The following SLC25A30 variants were observed in gnomAD, a reference collection of about 807,000 sequenced individuals.
The protein encoded by SLC25A30 is solute carrier family 25 member 30, also known as kidney mitochondrial carrier protein 1.
Under a neutral mutation model 42.7 loss-of-function variants are expected in SLC25A30, and 29 were observed. The ratio of observed to expected loss-of-function variants is 0.68; its 90% CI spans 0.51 to 0.93. The LOEUF (loss-of-function observed/expected upper bound fraction) is 0.93, where lower values mean the gene tolerates loss of function less well. Ranked by LOEUF, SLC25A30 falls within the 40% of genes least tolerant of loss-of-function variation. The pLI is 0.00. For synonymous variants in SLC25A30, 124 were observed against 131.0 expected, an observed-to-expected ratio of 0.95 and a Z score of 0.37; for missense variants, 300 against 359.7, an observed-to-expected ratio of 0.83 and a Z score of 1.34.
chr13:45,431,253 C>G, the SLC25A30 span, among the ~76,000 whole-genome samples: 56,662 of 56,684 alleles, frequency 1, 28,320 homozygotes, highest in Middle Eastern at 1. Context: ...CACCATGTTG[C>G]CTAGGCTGGT....
rs1881092126 is a variant in SLC25A30 at position 45,393,374 on chromosome 13, A to G, written c.*2600T>C. The G allele has an allele frequency of 3.1e-6, 3 of 979,908 alleles. No individual in the cohort carries two copies. The highest frequency in any genetic ancestry group is 3.6e-6 in the Non-Finnish European group (3 of 825,028). The allele number at this position is 979,908 out of a possible 1,614,324, so 60.7% of individuals were successfully genotyped here. A position where few individuals can be genotyped will look rare whatever the true frequency, so the allele number is the denominator to read the frequency against. ...ATAAATGAAACAAGGCTTATGCCAC[A>G]TATTCCAACAATGTTTAAATAAAGA... On this transcript the variant is annotated 3_prime_UTR_variant, in exon 10 of 10. Coordinates refer to ENST00000519676, the MANE Select transcript of SLC25A30 (RefSeq NM_001010875.4).
At chr13:45,425,093 T>TAC in the SLC25A30 span, among the ~76,000 whole-genome samples, 18 of 26,732 alleles carry the variant, frequency 6.7e-4, 5 homozygotes, top group African/African-American at 1.2e-3. Context: ...TATATAAATA[T>TAC]ATTTATAAAT....
intron 6 of SLC25A30, 134 bp downstream of exon 6, chr13:45,402,141 C>T: frequency 1.9e-6 from 1 of 515,438 alleles, no homozygotes; most frequent in Non-Finnish European, 3.5e-6. Flanking sequence ...AAGATATTTT[C>T]ATGGGCAGAA....
At chr13:45,424,765 TAA>T in the SLC25A30 span, among the ~76,000 whole-genome samples, 1 of 54,874 alleles carries the variant, frequency 1.8e-5, no homozygotes, top group African/African-American at 7.6e-5. Flanking sequence ...TATAAATATA[TAA>T]ATATATATAT....
At chr13:45,427,738 T>TTTTTCTTCTCTTTTCTTTTC in the SLC25A30 span, among the ~76,000 whole-genome samples, 1 of 148,680 alleles carries the variant, frequency 6.7e-6, no homozygotes, top group Admixed American at 6.7e-5. Flanking sequence ...CCCCCTACAA[T>TTTTTCTTCTCTTTTCTTTTC]TTTTCTTTTC....
At chr13:45,423,445 A>ATT (rs1157693951), upstream of SLC25A30, among the ~76,000 whole-genome samples, 2 of 145,148 alleles carry the variant, frequency 1.4e-5, no homozygotes, top group East Asian at 3.9e-4. Context: ...GGGTTAGCAA[A>ATT]TTATGGTCCA....
the SLC25A30 span, among the ~76,000 whole-genome samples, chr13:45,424,825 A>T: frequency 1.8e-4 from 8 of 45,366 alleles, 1 homozygote; most frequent in East Asian, 4.2e-4. Context: ...TAAATATATA[A>T]AAATATATAT....
rs1445877895 is a variant in SLC25A30 at position 45,393,402 on chromosome 13, T to C, written c.*2572A>G. On this transcript the variant is annotated 3_prime_UTR_variant, in exon 10 of 10. Transcript: ENST00000519676. Reference sequence around the variant, plus strand: ...TTCCAACAATGTTTAAATAAAGAGCTTGAAATATAAAGGCTTATGAAAACT... The same window carrying C: ...TTCCAACAATGTTTAAATAAAGAGCCTGAAATATAAAGGCTTATGAAAACT... 2.0e-6 allele frequency: 2 copies of C among 982,536 alleles called. No homozygotes were observed. Among genetic ancestry groups the C allele is most frequent in the Non-Finnish European group, 2.4e-6 (2 of 827,432 alleles). The allele number at this position is 982,536 out of a possible 1,614,324, so 60.9% of individuals were successfully genotyped here. A position where few individuals can be genotyped will look rare whatever the true frequency, so the allele number is the denominator to read the frequency against.
chr13:45,394,743 GAA>G lies in SLC25A30; in HGVS notation c.*1229_*1230del. On this transcript the variant is annotated 3_prime_UTR_variant, in exon 10 of 10. Coordinates refer to ENST00000519676, the MANE Select transcript of SLC25A30 (RefSeq NM_001010875.4). ...GACTTATTGTGTCTACAGAAGGAAA[GAA>G]AAAGGGAAAATATTACATACCACCT... The G allele has an allele frequency of 1.0e-6, 1 of 985,126 alleles. No individual in the cohort carries two copies. Among genetic ancestry groups the G allele is most frequent in the Non-Finnish European group, 1.2e-6 (1 of 829,730 alleles). 61.0% of individuals were successfully genotyped at this position (985,126 alleles called of 1,614,324 possible).
At chr13:45,396,325 A>G in intron 9 of SLC25A30, 1 of 716,230 alleles carries the variant, frequency 1.4e-6, no homozygotes, top group Non-Finnish European at 1.7e-6. Flanking sequence ...TAAGCTTTTG[A>G]GAGAGAGAGA....
At chr13:45,423,775 T>TATAAATATATAA in the SLC25A30 span, among the ~76,000 whole-genome samples, 2 of 58,548 alleles carry the variant, frequency 3.4e-5, no homozygotes, top group Non-Finnish European at 5.9e-5. Flanking sequence ...TAAAAATATA[T>TATAAATATATAA]AAATATATAA....
upstream of SLC25A30, among the ~76,000 whole-genome samples, chr13:45,420,051 T>C (rs1283874727): frequency 4.0e-5 from 6 of 151,816 alleles, no homozygotes. Context: ...GGAAGGAAAA[T>C]GCATATGTAT....
At chr13:45,407,434 C>A (rs1882622688) in intron 3 of SLC25A30, among the ~76,000 whole-genome samples, 1 of 151,848 alleles carries the variant, frequency 6.6e-6, no homozygotes, top group South Asian at 2.1e-4. Context: ...GCTTGTTGTG[C>A]CTATAGTTCC....
the SLC25A30 span, among the ~76,000 whole-genome samples, chr13:45,425,225 T>C: frequency 8.7e-5 from 9 of 103,656 alleles, no homozygotes; most frequent in Admixed American, 1.5e-4. Flanking sequence ...TACGTATGTA[T>C]ATAAATATTT....
At chr13:45,428,247 C>G in the SLC25A30 span, among the ~76,000 whole-genome samples, 1 of 151,662 alleles carries the variant, frequency 6.6e-6, no homozygotes, top group Non-Finnish European at 1.5e-5. Context: ...GAGTCTCACT[C>G]TGTCGCCCAG....
chr13:45,400,916 A>G (rs1881904023), intron 7 of SLC25A30, among the ~76,000 whole-genome samples, 167 bp downstream of exon 7: 1 of 152,366 alleles, frequency 6.6e-6, no homozygotes, highest in Non-Finnish European at 1.5e-5. Flanking sequence ...CGCCTGGAAG[A>G]TACATATCAA....
the SLC25A30 span, among the ~76,000 whole-genome samples, chr13:45,425,597 CA>C: frequency 1.3e-4 from 5 of 38,128 alleles, 1 homozygote; most frequent in African/African-American, 3.5e-4. Context: ...TATATATATA[CA>C]TATATATATA....
rs1423325803 is a variant in SLC25A30, at chr13:45,394,938, A to G, written c.*1036T>C. 1.0e-6 allele frequency: 1 copy of G among 985,320 alleles called. No individual in the cohort carries two copies. Among genetic ancestry groups the G allele is most frequent in the Admixed American group, 6.1e-5 (1 of 16,268 alleles). 61.0% of individuals were successfully genotyped at this position (985,320 alleles called of 1,614,324 possible). A position where few individuals can be genotyped will look rare whatever the true frequency, so the allele number is the denominator to read the frequency against. On this transcript the variant is annotated 3_prime_UTR_variant, in exon 10 of 10. Transcript: ENST00000519676. ...TTTGATTCACTACCAACATTTTGCT[A>G]AGGAAAATGTACTAAAGCCTGAACT... is the stretch of plus-strand genomic sequence containing the variant.
Position 45,393,338 on chromosome 13 carries a change from C to T in SLC25A30, c.*2636G>A. On this transcript the variant is annotated 3_prime_UTR_variant, in exon 10 of 10. Coordinates refer to ENST00000519676, the MANE Select transcript of SLC25A30 (RefSeq NM_001010875.4). ...TCATTTTTATTATTATATATTACTCCAGTTTATTAAATAAATGAAACAAGG... is the reference window on the plus strand; with the variant it reads ...TCATTTTTATTATTATATATTACTCTAGTTTATTAAATAAATGAAACAAGG... 1.0e-6 allele frequency: 1 copy of T among 962,332 alleles called. No individual in the cohort carries two copies. The highest frequency in any genetic ancestry group is 1.8e-5 in the African/African-American group (1 of 56,872). 59.6% of individuals were successfully genotyped at this position (962,332 alleles called of 1,614,324 possible). A position where few individuals can be genotyped will look rare whatever the true frequency, so the allele number is the denominator to read the frequency against.
Sources: gnomAD v4.1 joint callset for allele counts (sites outside exome capture counted in the v4.1 genomes callset) on GRCh38, gnomAD v4.1.1 for gene constraint, MANE v1.5 for transcripts, NCBI Gene and HGNC (gene_info 2026-07-23, HGNC 2026-07-21) for gene names.